ADIPOR2: variants seen among roughly 807,000 people sequenced by gnomAD.
ADIPOR2 encodes adiponectin receptor 2, also known as adiponectin receptor protein 2.
ADIPOR2 carries 18 observed loss-of-function variants against 40.9 expected under a neutral mutation model. The observed-to-expected ratio is 0.44, with a 90% confidence interval of 0.30 to 0.65. The LOEUF is 0.65. ADIPOR2 is among the 30% of genes least tolerant of loss of function. The pLI, the probability that ADIPOR2 is intolerant of heterozygous loss-of-function variation, is 0.09. For missense variants in ADIPOR2, 283 were observed against 479.2 expected (o/e 0.59, Z 3.82); for synonymous variants, 165 against 166.4 (o/e 0.99, Z 0.06).
At chr12:1,700,655 G>A (rs1273449453) in intron 1 of ADIPOR2, among the ~76,000 whole-genome samples, 4 of 152,052 alleles carry the variant, frequency 2.6e-5, no homozygotes, top group African/African-American at 9.7e-5. Context: ...ATGGAAGTAT[G>A]GTAAAATACA....
At chr12:1,767,586 A>G (rs1268419685) in intron 2 of ADIPOR2, among the ~76,000 whole-genome samples, 3 of 152,118 alleles carry the variant, frequency 2.0e-5, no homozygotes, top group Non-Finnish European at 4.4e-5. Context: ...TCCAATTTCT[A>G]AAGTTAAGGC....
intron 1 of ADIPOR2, among the ~76,000 whole-genome samples, chr12:1,728,714 A>T (rs958817690): frequency 3.3e-5 from 5 of 151,918 alleles, no homozygotes; most frequent in African/African-American, 1.2e-4. Context: ...ACAGGGCAAG[A>T]CTCCGTCTTA....
At chr12:1,721,699 G>A (rs1227110316) in intron 1 of ADIPOR2, among the ~76,000 whole-genome samples, 1 of 152,200 alleles carries the variant, frequency 6.6e-6, no homozygotes, top group Non-Finnish European at 1.5e-5. Flanking sequence ...AATAAGGAGA[G>A]ACTGAGGGGT....
intron 6 of ADIPOR2, among the ~76,000 whole-genome samples, chr12:1,783,560 G>A (rs1862768960): frequency 6.6e-6 from 1 of 151,992 alleles, no homozygotes; most frequent in East Asian, 1.9e-4. Flanking sequence ...TACCACGCCT[G>A]GCTACTTTTT....
intron 2 of ADIPOR2, among the ~76,000 whole-genome samples, chr12:1,764,610 ATAGTCTG>A (rs1862337245): frequency 1.6e-5 from 1 of 62,046 alleles, no homozygotes; most frequent in Non-Finnish European, 6.7e-5. Context: ...TTGTAAGTGG[ATAGTCTG>A]ATAAACTTTT....
chr12:1,774,797 C>T (rs887796248), intron 3 of ADIPOR2, among the ~76,000 whole-genome samples: 3 of 152,192 alleles, frequency 2.0e-5, no homozygotes, highest in African/African-American at 4.8e-5. Context: ...CTCCAACTCC[C>T]GGGTTCAAGT....
chr12:1,709,411 G>T (rs1193543172), intron 1 of ADIPOR2, among the ~76,000 whole-genome samples: 1 of 152,132 alleles, frequency 6.6e-6, no homozygotes, highest in Non-Finnish European at 1.5e-5. Flanking sequence ...CTAGTATGTA[G>T]ATTACAATTG....
chr12:1,757,437 G>T, intron 2 of ADIPOR2: 1 of 728,542 alleles, frequency 1.4e-6, no homozygotes, highest in Non-Finnish European at 2.6e-6. Flanking sequence ...CTCTCTGTTG[G>T]TTATCACACC....
chr12:1,735,481 T>TA (rs1359515445), intron 1 of ADIPOR2, among the ~76,000 whole-genome samples: 2 of 152,326 alleles, frequency 1.3e-5, no homozygotes, highest in East Asian at 3.9e-4. Context: ...CCTATCAGCT[T>TA]AAGGAGATTT....
At chr12:1,727,652 C>G (rs368386906) in intron 1 of ADIPOR2, among the ~76,000 whole-genome samples, 2 of 152,120 alleles carry the variant, frequency 1.3e-5, no homozygotes, top group African/African-American at 4.8e-5. Context: ...AATCGAAACC[C>G]TTGGTCTGCT....
At chr12:1,743,013 A>T (rs1265948320) in intron 1 of ADIPOR2, among the ~76,000 whole-genome samples, 1 of 152,036 alleles carries the variant, frequency 6.6e-6, no homozygotes, top group African/African-American at 2.4e-5. Flanking sequence ...CTCTCTTTTT[A>T]AGGGAGAATA....
intron 1 of ADIPOR2, among the ~76,000 whole-genome samples, chr12:1,746,258 G>A (rs2094754758): frequency 6.6e-6 from 1 of 152,168 alleles, no homozygotes; most frequent in South Asian, 2.1e-4. Flanking sequence ...GGTGGCTCAT[G>A]CCTGTAATCC....
chr12:1,724,830 A>G (rs915177697), intron 1 of ADIPOR2, among the ~76,000 whole-genome samples: 1 of 152,104 alleles, frequency 6.6e-6, no homozygotes, highest in Non-Finnish European at 1.5e-5. Flanking sequence ...AGCTGGGACT[A>G]CAGGTGTACG....
intron 1 of ADIPOR2, among the ~76,000 whole-genome samples, chr12:1,715,778 G>A (rs984591448): frequency 6.6e-6 from 1 of 152,134 alleles, no homozygotes; most frequent in African/African-American, 2.4e-5. Context: ...TGTAAAATGC[G>A]CCAGTCAGCG....
intron 1 of ADIPOR2, among the ~76,000 whole-genome samples, chr12:1,716,871 A>G (rs926572098): frequency 6.6e-6 from 1 of 152,194 alleles, no homozygotes; most frequent in Non-Finnish European, 1.5e-5. Flanking sequence ...TGGAAAACTT[A>G]TTTGATTTTT....
At chr12:1,710,327 G>C (rs892739105) in intron 1 of ADIPOR2, among the ~76,000 whole-genome samples, 1 of 152,000 alleles carries the variant, frequency 6.6e-6, no homozygotes. Context: ...CTTTGGGTCC[G>C]TGCCACCTTT....
intron 1 of ADIPOR2, among the ~76,000 whole-genome samples, chr12:1,705,761 A>G (rs955897903): frequency 6.6e-6 from 1 of 152,176 alleles, no homozygotes; most frequent in Admixed American, 6.5e-5. Flanking sequence ...TTTCTCCTTT[A>G]AAGACATTGT....
At chr12:1,754,558 A>G in intron 2 of ADIPOR2, 44 bp downstream of exon 2, 1 of 1,559,418 alleles carries the variant, frequency 6.4e-7, no homozygotes. Flanking sequence ...AAAAATGTGG[A>G]GGAAGTGGCA....
At chr12:1,729,617 G>GTTTTTTTTTT (rs56921758) in intron 1 of ADIPOR2, among the ~76,000 whole-genome samples, 14 of 88,978 alleles carry the variant, frequency 1.6e-4, no homozygotes, top group East Asian at 3.4e-4. Context: ...TCAGCCAGTT[G>GTTTTTTTTTT]TTTTTTTTTT....
Sources: allele counts gnomAD v4.1 joint callset (sites outside exome capture counted in the v4.1 genomes callset), GRCh38; gene constraint gnomAD v4.1.1; transcripts MANE v1.5; gene names NCBI Gene and HGNC (gene_info 2026-07-23, HGNC 2026-07-21).